COL8A1: variants seen among roughly 807,000 people sequenced by gnomAD.
The protein encoded by COL8A1 is collagen alpha-1(VIII) chain.
In COL8A1, 21 loss-of-function variants were observed where a neutral mutation model predicts 42.7. That is an observed-to-expected ratio of 0.49 (90% CI 0.35 to 0.71). The LOEUF (loss-of-function observed/expected upper bound fraction) is 0.71. Among genes scored for constraint, COL8A1 ranks in the 30% least tolerant of loss-of-function variants. COL8A1 has a pLI of 0.01. For missense variants in COL8A1, 788 were observed against 962.4 expected (o/e 0.82, Z 2.40); for synonymous variants, 367 against 369.1 (o/e 0.99, Z 0.06).
In COL8A1 at chr3:99,796,554, A is replaced by C; in HGVS notation, c.*418A>C. ...CCTTAAAGAAATACAAATGATAACA[A>C]TTACATACCGTATTTACTTGCTTAA... On this transcript the variant is annotated 3_prime_UTR_variant, in exon 4 of 4. Transcript: ENST00000652472. The C allele has an allele frequency of 6.4e-6, 1 of 155,384 alleles. No homozygotes were observed. The highest frequency in any genetic ancestry group is 1.4e-5 in the Non-Finnish European group (1 of 70,136). 9.6% of individuals were successfully genotyped at this position (155,384 alleles called of 1,614,324 possible).
intron 2 of COL8A1, among the ~76,000 whole-genome samples, chr3:99,752,646 A>C (rs374297697): frequency 6.6e-6 from 1 of 151,820 alleles, no homozygotes; most frequent in African/African-American, 2.4e-5. Context: ...TCTCCTATCA[A>C]TTGAGATGAG....
chr3:99,703,243 G>C (rs34035139), intron 1 of COL8A1: 30,724 of 152,218 alleles, frequency 0.2, 3,361 homozygotes, highest in Non-Finnish European at 0.25. Context: ...AACATATGCA[G>C]GTGCTGTATT....
At chr3:99,644,806 A>G (rs1415346089) in intron 1 of COL8A1, among the ~76,000 whole-genome samples, 1 of 152,214 alleles carries the variant, frequency 6.6e-6, no homozygotes, top group Non-Finnish European at 1.5e-5. Flanking sequence ...CTAACTAAAT[A>G]GGCCTGGGTG....
At chr3:99,702,887 G>A (rs1939581573) in intron 1 of COL8A1, among the ~76,000 whole-genome samples, 1 of 152,184 alleles carries the variant, frequency 6.6e-6, no homozygotes, top group South Asian at 2.1e-4. Context: ...CATGGTCAAG[G>A]AAGGCTTCAG....
At position 99,686,916 on chromosome 3, in the gene COL8A1, G is replaced by A. The variant is rs138765412; in HGVS notation, c.-129+48252G>A. Among the ~76,000 whole-genome samples the A allele has an allele frequency of 8.3e-3, 1,267 of 152,286 alleles. 16 individuals are homozygous for A. The highest frequency in any genetic ancestry group is 0.011 in the Non-Finnish European group (719 of 68,012). On this transcript the variant is annotated intron_variant, in intron 1 of 3. Transcript: ENST00000652472. Reference sequence around the variant, plus strand: ...ACAGAGTCTCACTCTTGCTGCCCAGGCTGCAGAGCAATGACACGATCTTGG... The same window carrying A: ...ACAGAGTCTCACTCTTGCTGCCCAGACTGCAGAGCAATGACACGATCTTGG...
At chr3:99,706,852 G>A (rs1353890107) in intron 1 of COL8A1, among the ~76,000 whole-genome samples, 1 of 152,286 alleles carries the variant, frequency 6.6e-6, no homozygotes, top group Non-Finnish European at 1.5e-5. Flanking sequence ...CCGCAAAAGG[G>A]ACATTCTCAT....
chr3:99,645,556 T>A (rs1280605521), intron 1 of COL8A1, among the ~76,000 whole-genome samples: 1 of 152,078 alleles, frequency 6.6e-6, no homozygotes, highest in East Asian at 1.9e-4. Flanking sequence ...AGGGGCTGGG[T>A]GTCTCAATAG....
chr3:99,746,204 G>A (rs532642174), intron 2 of COL8A1, among the ~76,000 whole-genome samples: 1 of 152,158 alleles, frequency 6.6e-6, no homozygotes, highest in South Asian at 2.1e-4. Context: ...ATTTTACTAA[G>A]GCATTACATT....
At chr3:99,657,952 C>T (rs1034593061) in intron 1 of COL8A1, among the ~76,000 whole-genome samples, 1 of 151,996 alleles carries the variant, frequency 6.6e-6, no homozygotes, top group Admixed American at 6.6e-5. Context: ...CATGGTGAAA[C>T]CACGTCTCTA....
rs1343653763 is a variant in COL8A1, at chr3:99,754,957, CAT to C, written c.-4+9938_-4+9939del. Among the ~76,000 whole-genome samples the C allele has an allele frequency of 2.6e-5, 4 of 152,198 alleles. No homozygotes were observed. In the East Asian group the frequency reaches 7.7e-4, roughly 29 times the overall value. On this transcript the variant is annotated intron_variant, in intron 2 of 3. Transcript: ENST00000652472. The stretch of plus-strand genomic sequence containing the variant: ...TTCATGGTAATGAAGGAAAAATAAA[CAT>C]AGAGTCAGAGGAATAATGGGTAACA...
chr3:99,723,657 G>A (rs1940220189), intron 1 of COL8A1, among the ~76,000 whole-genome samples: 1 of 152,060 alleles, frequency 6.6e-6, no homozygotes, highest in Non-Finnish European at 1.5e-5. Flanking sequence ...TTTTCCTTCT[G>A]TCAGTTGGTT....
intron 1 of COL8A1, among the ~76,000 whole-genome samples, chr3:99,693,050 T>G (rs1260535483): frequency 6.6e-6 from 1 of 152,072 alleles, no homozygotes; most frequent in African/African-American, 2.4e-5. Flanking sequence ...TCCCAGCTAC[T>G]TGAGAGGCGC....
chr3:99,656,989 G>A (rs535501361), intron 1 of COL8A1, among the ~76,000 whole-genome samples: 11 of 152,158 alleles, frequency 7.2e-5, no homozygotes, highest in Non-Finnish European at 1.0e-4. Context: ...GTAGAATTTC[G>A]AGTTGGTTTT....
chr3:99,722,212 A>T (rs1246978311), intron 1 of COL8A1, among the ~76,000 whole-genome samples: 1 of 152,156 alleles, frequency 6.6e-6, no homozygotes, highest in Non-Finnish European at 1.5e-5. Flanking sequence ...GCTTTAAAAG[A>T]TTCCAGGACA....
chr3:99,701,930 A>G (rs1031698589), intron 1 of COL8A1, among the ~76,000 whole-genome samples: 1 of 152,214 alleles, frequency 6.6e-6, no homozygotes. Flanking sequence ...TATTATTGGG[A>G]CCCATTACTC....
At chr3:99,769,048 G>A (rs1368440197) in intron 2 of COL8A1, among the ~76,000 whole-genome samples, 1 of 152,194 alleles carries the variant, frequency 6.6e-6, no homozygotes, top group Non-Finnish European at 1.5e-5. Flanking sequence ...GTGGTATAAA[G>A]AGCACAGCAT....
chr3:99,730,024 C>A (rs1183873069), intron 1 of COL8A1, among the ~76,000 whole-genome samples: 2 of 152,036 alleles, frequency 1.3e-5, no homozygotes, highest in Non-Finnish European at 2.9e-5. Context: ...ATACAGCATC[C>A]CTTAAAAAAC....
intron 1 of COL8A1, chr3:99,703,301 T>G (rs1939592634): frequency 6.6e-6 from 1 of 152,244 alleles, no homozygotes; most frequent in South Asian, 2.1e-4. Context: ...GTTTCCCATT[T>G]TACAGATGAC....
At chr3:99,788,227 TTAGA>T (rs1941934171) in intron 2 of COL8A1, among the ~76,000 whole-genome samples, 1 of 152,152 alleles carries the variant, frequency 6.6e-6, no homozygotes, top group Non-Finnish European at 1.5e-5. Context: ...CAAAGTTTAT[TTAGA>T]TAAAGAGCCA....
Sources: gnomAD v4.1 joint callset for allele counts (sites outside exome capture counted in the v4.1 genomes callset) on GRCh38, gnomAD v4.1.1 for gene constraint, MANE v1.5 for transcripts, NCBI Gene and HGNC (gene_info 2026-07-23, HGNC 2026-07-21) for gene names.